TRPC6: variants seen among roughly 807,000 people sequenced by gnomAD.
TRPC6 encodes the protein short transient receptor potential channel 6.
In TRPC6, 55 loss-of-function variants were observed where a neutral mutation model predicts 90.7. That is an observed-to-expected ratio of 0.61 (90% CI 0.49 to 0.76). TRPC6 has a LOEUF of 0.76. TRPC6 is among the 30% of genes least tolerant of loss of function. TRPC6 has a pLI of 0.00. For synonymous variants in TRPC6, 393 were observed against 393.0 expected (o/e 1.00, Z 0.00); for missense variants, 989 against 1,122.7 (o/e 0.88, Z 1.70).
intron 1 of TRPC6, among the ~76,000 whole-genome samples, chr11:101,568,211 T>A (rs1861878729): frequency 6.6e-6 from 1 of 152,090 alleles, no homozygotes; most frequent in Non-Finnish European, 1.5e-5. Flanking sequence ...GCACGAGAAC[T>A]TCGTGAAGCA....
At chr11:101,548,321 TTATA>T (rs1419659511) in intron 1 of TRPC6, among the ~76,000 whole-genome samples, 1 of 124,772 alleles carries the variant, frequency 8.0e-6, no homozygotes, top group Non-Finnish European at 1.7e-5. Context: ...TAATATATAA[TTATA>T]TATAATTGAA....
At chr11:101,462,366 C>T (rs10895110) in intron 10 of TRPC6, among the ~76,000 whole-genome samples, 47,218 of 152,022 alleles carry the variant, frequency 0.31, 9,553 homozygotes, top group African/African-American at 0.58. Flanking sequence ...GGTAGCTTGA[C>T]GAGGATAGCA....
chr11:101,501,291 G>T (rs1243075084), intron 2 of TRPC6, among the ~76,000 whole-genome samples: 1 of 151,554 alleles, frequency 6.6e-6, no homozygotes, highest in African/African-American at 2.4e-5. Flanking sequence ...GAAAGGATAT[G>T]TGCTAGCATG....
chr11:101,521,174 G>T (rs968296147), intron 1 of TRPC6, among the ~76,000 whole-genome samples: 1 of 150,406 alleles, frequency 6.6e-6, no homozygotes, highest in Non-Finnish European at 1.5e-5. Flanking sequence ...CCCTTCTATC[G>T]CAAGCCTGGA....
chr11:101,518,270 A>G (rs1487103604), intron 1 of TRPC6, among the ~76,000 whole-genome samples: 1 of 152,204 alleles, frequency 6.6e-6, no homozygotes, highest in Non-Finnish European at 1.5e-5. Flanking sequence ...ACAGAATCGA[A>G]GAAAATATTT....
At chr11:101,492,329 A>G (rs1304856203) in intron 2 of TRPC6, among the ~76,000 whole-genome samples, 1 of 152,166 alleles carries the variant, frequency 6.6e-6, no homozygotes, top group African/African-American at 2.4e-5. Flanking sequence ...CCCGCCTGTA[A>G]TCCCCTCACT....
intron 2 of TRPC6, among the ~76,000 whole-genome samples, chr11:101,494,218 T>C (rs1379059535): frequency 6.6e-6 from 1 of 152,200 alleles, no homozygotes; most frequent in Admixed American, 6.5e-5. Context: ...CTTGGTAGTT[T>C]AGAGCTGGAT....
At chr11:101,564,727 G>A (rs947113581) in intron 1 of TRPC6, among the ~76,000 whole-genome samples, 8 of 151,838 alleles carry the variant, frequency 5.3e-5, no homozygotes, top group Admixed American at 1.3e-4. Flanking sequence ...ATTCTAAAAC[G>A]TATACAGAAC....
chr11:101,520,324 T>G (rs1860627784), intron 1 of TRPC6, among the ~76,000 whole-genome samples: 1 of 152,184 alleles, frequency 6.6e-6, no homozygotes, highest in African/African-American at 2.4e-5. Flanking sequence ...GTAAGTTTCC[T>G]GAGGCCTCCT....
intron 1 of TRPC6, among the ~76,000 whole-genome samples, chr11:101,554,666 C>T (rs920066808): frequency 2.0e-5 from 3 of 152,046 alleles, no homozygotes; most frequent in Non-Finnish European, 1.5e-5. Context: ...TCTTTCCCTG[C>T]ATCACCCAAA....
chr11:101,457,188 C>T (rs1858903539), intron 10 of TRPC6, among the ~76,000 whole-genome samples: 2 of 152,070 alleles, frequency 1.3e-5, no homozygotes, highest in African/African-American at 4.8e-5. Context: ...AAGTGGGAAG[C>T]TTGTTGACTA....
chr11:101,579,633 A>C (rs1028716150), intron 1 of TRPC6, among the ~76,000 whole-genome samples: 3 of 152,278 alleles, frequency 2.0e-5, no homozygotes, highest in African/African-American at 4.8e-5. Flanking sequence ...CATGTTGACT[A>C]TTTCTAGGCT....
intron 1 of TRPC6, among the ~76,000 whole-genome samples, chr11:101,582,910 A>C (rs991985264): frequency 6.6e-6 from 1 of 151,792 alleles, no homozygotes; most frequent in Non-Finnish European, 1.5e-5. Context: ...AGTTCTAGTC[A>C]TCTCTCCCCC....
At chr11:101,556,633 A>C (rs1303914851) in intron 1 of TRPC6, among the ~76,000 whole-genome samples, 1 of 152,198 alleles carries the variant, frequency 6.6e-6, no homozygotes, top group Non-Finnish European at 1.5e-5. Context: ...CATTTAAAGA[A>C]GAAATAATAC....
intron 1 of TRPC6, among the ~76,000 whole-genome samples, chr11:101,580,264 C>T (rs993193397): frequency 6.6e-6 from 1 of 152,124 alleles, no homozygotes; most frequent in East Asian, 1.9e-4. Context: ...CAGTGATGAA[C>T]TGTAAACATA....
At chr11:101,563,728 C>T (rs1861766341) in intron 1 of TRPC6, among the ~76,000 whole-genome samples, 1 of 151,970 alleles carries the variant, frequency 6.6e-6, no homozygotes, top group South Asian at 2.1e-4. Flanking sequence ...GGAGGAGACA[C>T]TGTGGGTTTG....
chr11:101,471,019 T>G (rs895753535), intron 9 of TRPC6, among the ~76,000 whole-genome samples, 164 bp downstream of exon 9: 1 of 152,016 alleles, frequency 6.6e-6, no homozygotes, highest in East Asian at 1.9e-4. Flanking sequence ...AGTGTGCTCA[T>G]GTTGAACAGA....
Position 101,491,653 on chromosome 11 carries a change from G to A in TRPC6, c.1031C>T (p.Ala344Val). The change falls in exon 3 of 13, where the codon GCC (alanine) becomes GTC (valine). Residue 344 changes from alanine (A) to valine (V), a missense_variant. Ala to Val is a moderately conservative substitution (Grantham distance 64). Transcript: ENST00000344327. Reference protein sequence around the residue: ...DLCRNTEEVEAILNGDVETLQ... With the variant: ...DLCRNTEEVEVILNGDVETLQ... The stretch of plus-strand genomic sequence containing the variant: ...CGTTTCAACATCCCCATTCAGAATG[G>A]CCTCGACTTCTTCAGTGTTTCTGCA... 6.2e-7 allele frequency: 1 copy of A among 1,613,840 alleles called. No individual in the cohort carries two copies. Among genetic ancestry groups the A allele is most frequent in the Non-Finnish European group, 8.5e-7 (1 of 1,179,994 alleles).
At chr11:101,577,647 C>G (rs1467943444) in intron 1 of TRPC6, among the ~76,000 whole-genome samples, 2 of 152,152 alleles carry the variant, frequency 1.3e-5, no homozygotes, top group Admixed American at 6.5e-5. Context: ...AGAGGGAAAA[C>G]AAGAACGCTC....
Sources: gnomAD v4.1 joint callset for allele counts (sites outside exome capture counted in the v4.1 genomes callset) on GRCh38, gnomAD v4.1.1 for gene constraint, MANE v1.5 for transcripts, NCBI Gene and HGNC (gene_info 2026-07-23, HGNC 2026-07-21) for gene names.